The following NAV2 variants were observed in gnomAD, a reference collection of about 807,000 sequenced individuals.
The protein encoded by NAV2 is helicase, APC down-regulated 1.
In NAV2, 54 loss-of-function variants were observed where a neutral mutation model predicts 223.2. The ratio of observed to expected loss-of-function variants is 0.24; its 90% confidence interval spans 0.19 to 0.30. NAV2 has a LOEUF of 0.30. NAV2 is among the 10% of genes least tolerant of loss of function. The pLI is 1.00. For missense variants in NAV2, 2,806 were observed against 3,147.5 expected (o/e 0.89, Z 2.60); for synonymous variants, 1,279 against 1,239.3 (o/e 1.03, Z -0.67).
At chr11:19,646,919 A>G (rs2047831130) in intron 1 of NAV2, among the ~76,000 whole-genome samples, 1 of 152,186 alleles carries the variant, frequency 6.6e-6, no homozygotes, top group South Asian at 2.1e-4. Context: ...TTCAGGCACT[A>G]CAGGAGGACA....
intron 1 of NAV2, among the ~76,000 whole-genome samples, chr11:19,523,795 C>T (rs2043753515): frequency 6.6e-6 from 1 of 152,190 alleles, no homozygotes; most frequent in African/African-American, 2.4e-5. Context: ...CTCTCTATAC[C>T]CCAGTGTCTT....
At chr11:19,859,113 T>C (rs1277617619) in intron 3 of NAV2, among the ~76,000 whole-genome samples, 1 of 149,996 alleles carries the variant, frequency 6.7e-6, no homozygotes, top group African/African-American at 2.4e-5. Context: ...GAACCAGATA[T>C]GGAGGAGTCC....
At chr11:19,547,962 G>C (rs771982501) in intron 1 of NAV2, among the ~76,000 whole-genome samples, 3 of 152,300 alleles carry the variant, frequency 2.0e-5, no homozygotes, top group South Asian at 2.1e-4. Flanking sequence ...GATGGGTAAA[G>C]GTGATTTACA....
rs1373178706 is a variant in NAV2 at position 19,954,958 on chromosome 11, TATATACATATACACAC to T, written c.2645+5884_2645+5899del. ...ATATATATATACATATATACATATA[TATATACATATACACAC>T]ATATATATATATATGGGATAGGAAA... On this transcript the variant is annotated intron_variant, in intron 10 of 37. Coordinates refer to ENST00000349880, the MANE Select transcript of NAV2 (RefSeq NM_145117.5). Among the ~76,000 whole-genome samples, 140 of 49,894 alleles carry T rather than the reference TATATACATATACACAC, an allele frequency of 2.8e-3. 1 individual carries two copies. The South Asian group carries it at 0.11, about 39-fold the overall frequency. 32.7% of individuals were successfully genotyped at this position (49,894 alleles called of 152,430 possible).
chr11:20,003,410 TCA>T (rs553313535), intron 11 of NAV2, among the ~76,000 whole-genome samples: 306 of 152,282 alleles, frequency 2.0e-3, no homozygotes, highest in Middle Eastern at 6.8e-3. Flanking sequence ...TTGTCCGGAA[TCA>T]CACAGCAAGC....
chr11:19,862,480 G>A (rs2061846528), intron 3 of NAV2, among the ~76,000 whole-genome samples: 1 of 152,202 alleles, frequency 6.6e-6, no homozygotes, highest in African/African-American at 2.4e-5. Flanking sequence ...ACAGAGTCAC[G>A]GAGCCCCTCT....
intron 1 of NAV2, among the ~76,000 whole-genome samples, chr11:19,689,330 G>A (rs1344440793): frequency 6.6e-6 from 1 of 152,216 alleles, no homozygotes; most frequent in Non-Finnish European, 1.5e-5. Context: ...AGGGATACGT[G>A]CAAAGACATC....
chr11:19,501,504 C>T (rs948302863), intron 1 of NAV2, among the ~76,000 whole-genome samples: 4 of 151,990 alleles, frequency 2.6e-5, no homozygotes, highest in Admixed American at 6.6e-5. Context: ...AGTGTTTGGC[C>T]AAGCAGGAAG....
intron 1 of NAV2, among the ~76,000 whole-genome samples, chr11:19,471,309 C>T (rs935892307): frequency 3.9e-5 from 6 of 152,114 alleles, no homozygotes; most frequent in African/African-American, 1.2e-4. Context: ...AACAGTAATA[C>T]TCACATCAGC....
At chr11:19,770,967 G>A (rs1052988617) in intron 1 of NAV2, among the ~76,000 whole-genome samples, 4 of 152,178 alleles carry the variant, frequency 2.6e-5, no homozygotes, top group South Asian at 2.1e-4. Context: ...TTGGCTTCCC[G>A]TTTCAGTGCA....
At chr11:19,606,831 T>C (rs1442821723) in intron 1 of NAV2, among the ~76,000 whole-genome samples, 1 of 152,214 alleles carries the variant, frequency 6.6e-6, no homozygotes, top group Non-Finnish European at 1.5e-5. Context: ...ATCAAGCTAA[T>C]TGCAATCCCA....
chr11:19,912,276 G>A (rs973862206), intron 6 of NAV2, among the ~76,000 whole-genome samples: 1 of 152,098 alleles, frequency 6.6e-6, no homozygotes, highest in Admixed American at 6.5e-5. Context: ...CAGAATAAGA[G>A]CAAAAAAGTG....
chr11:19,994,572 G>T (rs1015109970), intron 11 of NAV2, among the ~76,000 whole-genome samples: 2 of 149,594 alleles, frequency 1.3e-5, no homozygotes, highest in African/African-American at 2.5e-5. Context: ...AAAAAAAAGA[G>T]TAAAAAAAGA....
rs780744828 is a variant in NAV2 at position 20,121,400 on chromosome 11, G to A, written c.*3142G>A. On this transcript the variant is annotated 3_prime_UTR_variant, in exon 38 of 38. Transcript: ENST00000349880. ...ACTAGGAATTGAGTATTTTGTGTACGGTATGTTTCCATCCTCCCTCCCCTT... is the reference window on the plus strand; with the variant it reads ...ACTAGGAATTGAGTATTTTGTGTACAGTATGTTTCCATCCTCCCTCCCCTT... 5 of 152,328 alleles carry A rather than the reference G, an allele frequency of 3.3e-5. No individual in the cohort carries two copies. Among genetic ancestry groups the A allele is most frequent in the African/African-American group, 4.8e-5 (2 of 41,326 alleles). The allele number at this position is 152,328 out of a possible 1,614,324, so 9.4% of individuals were successfully genotyped here.
At chr11:19,925,400 T>C (rs2044651681) in intron 6 of NAV2, among the ~76,000 whole-genome samples, 1 of 152,230 alleles carries the variant, frequency 6.6e-6, no homozygotes, top group African/African-American at 2.4e-5. Context: ...TTTATAGTTT[T>C]AGCTTTTATG....
chr11:19,819,565 C>A (rs2059270927), intron 1 of NAV2, among the ~76,000 whole-genome samples: 1 of 152,072 alleles, frequency 6.6e-6, no homozygotes, highest in Non-Finnish European at 1.5e-5. Context: ...GAGAACCTGC[C>A]CATAGGGACT....
intron 12 of NAV2, among the ~76,000 whole-genome samples, chr11:20,043,656 G>T (rs927947632): frequency 2.0e-5 from 3 of 152,066 alleles, no homozygotes; most frequent in African/African-American, 7.2e-5. Flanking sequence ...TGCCCAGGCT[G>T]GTCTTAAACT....
chr11:19,494,701 G>A (rs1337593469), intron 1 of NAV2, among the ~76,000 whole-genome samples: 2 of 152,176 alleles, frequency 1.3e-5, no homozygotes, highest in African/African-American at 2.4e-5. Context: ...TCTGGAAGAT[G>A]TAATACTGAT....
chr11:19,836,513 C>T (rs796587535), intron 2 of NAV2, among the ~76,000 whole-genome samples: 6 of 149,044 alleles, frequency 4.0e-5, no homozygotes, highest in Non-Finnish European at 8.9e-5. Flanking sequence ...GCCGAGATTG[C>T]GCCACTGCAG....
Sources: allele counts gnomAD v4.1 joint callset (sites outside exome capture counted in the v4.1 genomes callset), GRCh38; gene constraint gnomAD v4.1.1; transcripts MANE v1.5; gene names NCBI Gene and HGNC (gene_info 2026-07-23, HGNC 2026-07-21).